The following ABCC8 variants were observed in gnomAD, a reference collection of about 807,000 sequenced individuals.
The protein encoded by ABCC8 is ATP-binding cassette sub-family C member 8.
ABCC8 carries 137 observed loss-of-function variants against 188.0 expected under a neutral mutation model. That is an observed-to-expected ratio of 0.73 (90% confidence interval 0.63 to 0.84). ABCC8 has a LOEUF of 0.84. Ranked by LOEUF, ABCC8 falls within the 40% of genes least tolerant of loss-of-function variation. ABCC8 has a pLI of 0.00. For missense variants in ABCC8, 1,750 were observed against 2,072.7 expected (o/e 0.84, Z 3.02); for synonymous variants, 797 against 846.5 (o/e 0.94, Z 1.01).
At chr11:17,463,953 C>A (rs1370262249) in intron 3 of ABCC8, among the ~76,000 whole-genome samples, 3 of 152,194 alleles carry the variant, frequency 2.0e-5, no homozygotes, top group Non-Finnish European at 4.4e-5. Flanking sequence ...ATGATCTTAT[C>A]TATTCCTCAC....
At position 17,470,057 on chromosome 11, in the gene ABCC8, G is replaced by T. The variant is rs769913082; in HGVS notation, c.412+44C>A. ...GAGTCCTCAGTAAACATTATCTGAA[G>T]AAATGAATGAAGGTACTGCCCCTCC... On this transcript the variant is annotated intron_variant, in intron 3 of 38. Transcript: ENST00000389817. The T allele has an allele frequency of 3.0e-5, 48 of 1,604,100 alleles. 2 individuals are homozygous for T. In the South Asian group the frequency reaches 4.1e-4, roughly 14 times the overall value.
At chr11:17,470,308 A>G in intron 2 of ABCC8, 86 bp from the exon 3 acceptor site, 1 of 1,599,814 alleles carries the variant, frequency 6.3e-7, no homozygotes. Context: ...CAAAGGCTGA[A>G]CACTGAACCT....
chr11:17,399,481 C>G (rs1954126221), intron 29 of ABCC8, among the ~76,000 whole-genome samples: 2 of 152,056 alleles, frequency 1.3e-5, no homozygotes, highest in Non-Finnish European at 2.9e-5. Flanking sequence ...CACACTATTC[C>G]CTTTTCCTGG....
In ABCC8 at chr11:17,453,231, G is replaced by A. The variant is rs368655419; in HGVS notation, c.1064C>T (p.Ala355Val). The A allele has an allele frequency of 6.2e-7, 1 of 1,613,980 alleles. No homozygotes were observed. Among genetic ancestry groups the A allele is most frequent in the Non-Finnish European group, 8.5e-7 (1 of 1,180,012 alleles). ...GAACAGAAGCACAGCTAAGACGTAG[G>A]CATTGGCAAGGAACTCTTGGGATGA... ...FVSSQEFLAN[A>V]YVLAVLLFLA... The change falls in exon 7 of 39, where the codon GCC becomes GTC. Residue 355 changes from alanine to valine, a missense_variant. Ala to Val is a moderately conservative substitution (Grantham distance 64). Transcript: ENST00000389817.
intron 31 of ABCC8, 37 bp from the exon 32 acceptor site, chr11:17,397,350 C>G: frequency 6.2e-7 from 1 of 1,604,558 alleles, no homozygotes; most frequent in South Asian, 1.1e-5. Flanking sequence ...ACTCCATGGT[C>G]GCTTAGTTCT....
chr11:17,465,751 C>T (rs1352423061), intron 3 of ABCC8, among the ~76,000 whole-genome samples: 1 of 152,188 alleles, frequency 6.6e-6, no homozygotes, highest in African/African-American at 2.4e-5. Flanking sequence ...TTCTCTCCAT[C>T]CCTGTGGTAC....
intron 4 of ABCC8, among the ~76,000 whole-genome samples, chr11:17,462,225 G>A (rs1449656897): frequency 6.6e-6 from 1 of 152,164 alleles, no homozygotes; most frequent in Non-Finnish European, 1.5e-5. Flanking sequence ...CTAGCAAGGT[G>A]TTTTTGGACA....
chr11:17,455,651 T>G (rs1300886545), intron 6 of ABCC8, among the ~76,000 whole-genome samples: 2 of 152,084 alleles, frequency 1.3e-5, no homozygotes, highest in African/African-American at 4.8e-5. Context: ...AAGAAGTGGG[T>G]ACCTGACTAG....
intron 2 of ABCC8, among the ~76,000 whole-genome samples, chr11:17,474,373 T>A (rs986689099): frequency 6.6e-6 from 1 of 151,832 alleles, no homozygotes; most frequent in Non-Finnish European, 1.5e-5. Flanking sequence ...AGCAGAGGTG[T>A]GAGGAGTGTG....
Position 17,415,343 on chromosome 11 carries a change from C to T in ABCC8, c.2256-4G>A. 6.2e-7 allele frequency: 1 copy of T among 1,610,354 alleles called. No individual in the cohort carries two copies. The highest frequency in any genetic ancestry group is 8.5e-7 in the Non-Finnish European group (1 of 1,178,870). On this transcript the variant is annotated splice_region_variant and splice_polypyrimidine_tract_variant and intron_variant, in intron 17 of 38. Coordinates refer to ENST00000389817, the MANE Select transcript of ABCC8 (RefSeq NM_000352.6). Reference sequence around the variant, plus strand: ...GGTCGCTGTCTCCCGCTCTGGGCTGCAGCAGGGGAGGAAAGGCATACTGAG... The same window carrying T: ...GGTCGCTGTCTCCCGCTCTGGGCTGTAGCAGGGGAGGAAAGGCATACTGAG...
At chr11:17,445,124 G>A (rs542471027) in intron 8 of ABCC8, among the ~76,000 whole-genome samples, 8 of 152,240 alleles carry the variant, frequency 5.3e-5, no homozygotes, top group Non-Finnish European at 8.8e-5. Context: ...CTGGGCCTCT[G>A]ATACCCAGGA....
At position 17,404,639 on chromosome 11, in the gene ABCC8, G is replaced by C; in HGVS notation, c.3430C>G (p.Arg1144Gly). ...GCTGAGACACAGAGCAGGGTGGAGC[G>C]GCTCAGGCACTCCAGCGTGGATGGG... ...HIPSTLECLS[R>G]STLLCVSALA... Residue 1144 changes from arginine to glycine, a missense_variant, in exon 28 of 39, where the codon CGC becomes GGC. Arg to Gly is a moderately radical substitution (Grantham distance 125). Coordinates refer to ENST00000389817, the MANE Select transcript of ABCC8 (RefSeq NM_000352.6). This position sits in a 1 kb window ranked among gnomAD's most constrained non-coding sequence, Gnocchi z 4.7. 6.2e-7 allele frequency: 1 copy of C among 1,612,528 alleles called. No individual in the cohort carries two copies. Among genetic ancestry groups the C allele is most frequent in the Non-Finnish European group, 8.5e-7 (1 of 1,179,532 alleles).
At chr11:17,432,088 T>C in intron 11 of ABCC8, 116 bp downstream of exon 11, 1 of 1,357,718 alleles carries the variant, frequency 7.4e-7, no homozygotes, top group Non-Finnish European at 1.0e-6. Context: ...TCAGTCTGGC[T>C]GTGGAGCCTG....
chr11:17,415,430 G>T (rs1276046464), intron 17 of ABCC8, 91 bp from the exon 18 acceptor site: 2 of 1,557,934 alleles, frequency 1.3e-6, no homozygotes, highest in Non-Finnish European at 1.7e-6. Flanking sequence ...CCCAACATGA[G>T]CATGCCTTTA....
At chr11:17,405,604 G>A in intron 26 of ABCC8, 41 bp from the exon 27 acceptor site, 1 of 1,614,062 alleles carries the variant, frequency 6.2e-7, no homozygotes, top group Non-Finnish European at 8.5e-7. Flanking sequence ...TTTGTCCATT[G>A]ATTTACTTCC....
At chr11:17,440,145 C>T (rs1956257174) in intron 10 of ABCC8, among the ~76,000 whole-genome samples, 1 of 152,154 alleles carries the variant, frequency 6.6e-6, no homozygotes, top group Non-Finnish European at 1.5e-5. Flanking sequence ...ACCTTGGGGA[C>T]CCAGTGCCCC....
intron 28 of ABCC8, among the ~76,000 whole-genome samples, chr11:17,403,537 AC>A (rs1277799741): frequency 6.6e-6 from 1 of 152,226 alleles, no homozygotes; most frequent in Non-Finnish European, 1.5e-5. Flanking sequence ...AGCCATTTAT[AC>A]AAATGTTGAT....
At chr11:17,442,255 AT>A (rs763233536) in intron 10 of ABCC8, among the ~76,000 whole-genome samples, 3 of 152,284 alleles carry the variant, frequency 2.0e-5, no homozygotes, top group Non-Finnish European at 2.9e-5. Context: ...GGCTTCTGAT[AT>A]TTAAGGATAA....
chr11:17,405,335 C>T (rs1487792457), intron 27 of ABCC8, among the ~76,000 whole-genome samples, 159 bp downstream of exon 27: 1 of 152,324 alleles, frequency 6.6e-6, no homozygotes, highest in Non-Finnish European at 1.5e-5. Flanking sequence ...CGAGGGAGGC[C>T]CCAGCCCTGA....
Sources: gnomAD v4.1 joint callset for allele counts (sites outside exome capture counted in the v4.1 genomes callset) on GRCh38, gnomAD v4.1.1 for gene constraint, Gnocchi (gnomAD v3.1) non-coding constraint, MANE v1.5 for transcripts, NCBI Gene and HGNC (gene_info 2026-07-23, HGNC 2026-07-21) for gene names.